ASGR2: variants seen among roughly 807,000 people sequenced by gnomAD.
The protein encoded by ASGR2 is asialoglycoprotein receptor 2.
A neutral mutation model predicts 32.3 loss-of-function variants in ASGR2; 34 were observed. That is an observed-to-expected ratio of 1.05 (90% CI 0.80 to 1.40). ASGR2 has a LOEUF of 1.40. Ranked by LOEUF, ASGR2 falls within the 40% of genes most tolerant of loss-of-function variation. ASGR2 has a pLI of 0.00. For missense variants in ASGR2, 385 were observed against 386.4 expected, an observed-to-expected ratio of 1.00 and a Z score of 0.03; for synonymous variants, 143 against 150.0, an observed-to-expected ratio of 0.95 and a Z score of 0.34.
rs529348065 is a variant in ASGR2, at chr17:7,105,404, A to C, written c.648+1596T>G. ...CTGCCAGGTGCAGTTTTTGGATTAC[A>C]GTGGCTCAGACACCTGTAATCCCAA... On this transcript the variant is annotated intron_variant, in intron 7 of 8. Coordinates refer to ENST00000691900, the MANE Select transcript of ASGR2 (RefSeq NM_001201352.2). Among the ~76,000 whole-genome samples the C allele has an allele frequency of 1.4e-4, 21 of 152,316 alleles. No homozygotes were observed. In the South Asian group the frequency reaches 4.1e-3, roughly 30 times the overall value.
At position 7,108,057 on chromosome 17, in the gene ASGR2, TGGCTCA is replaced by T. The variant is rs1914093854; in HGVS notation, c.338-156_338-151del. ...ACCCAGGCTCCCTGCACTGCCACAG[TGGCTCA>T]GGCCACTCTCCTGCTTCAGTCCCTT... On this transcript the variant is annotated intron_variant, in intron 4 of 8. Coordinates refer to ENST00000691900, the MANE Select transcript of ASGR2 (RefSeq NM_001201352.2). This position sits in a 1 kb window ranked among gnomAD's most constrained non-coding sequence, Gnocchi z 4.9. 1.3e-6 allele frequency: 1 copy of T among 789,166 alleles called. No individual in the cohort carries two copies. The highest frequency in any genetic ancestry group is 1.7e-5 in the South Asian group (1 of 58,498). The allele number at this position is 789,166 out of a possible 1,614,324, so 48.9% of individuals were successfully genotyped here.
In ASGR2 at chr17:7,108,340, G is replaced by T. The variant is rs1914134306; in HGVS notation, c.337+122C>A. On this transcript the variant is annotated intron_variant, in intron 4 of 8. Transcript: ENST00000691900. The surrounding 1 kb of genome is among the most constrained non-coding windows in gnomAD (Gnocchi z 4.9). Reference sequence around the variant, plus strand: ...GCCTCCCTCCTATACATCCCCCAGGGCCCCTGGACGCCTTGCCCAGCCTGC... The same window carrying T: ...GCCTCCCTCCTATACATCCCCCAGGTCCCCTGGACGCCTTGCCCAGCCTGC... 9.9e-7 allele frequency: 1 copy of T among 1,013,820 alleles called. No homozygotes were observed. The highest frequency in any genetic ancestry group is 1.6e-5 in the African/African-American group (1 of 62,178). 62.8% of individuals were successfully genotyped at this position (1,013,820 alleles called of 1,614,324 possible). A position where few individuals can be genotyped will look rare whatever the true frequency, so the allele number is the denominator to read the frequency against.
In ASGR2 at chr17:7,109,453, C is replaced by T. The variant is rs556765482; in HGVS notation, c.125-565G>A. ...TCCATTGAGATCCTTAAATCTGGGTCATTCCACCATAGCCCACTCTCCAAG... is the reference window on the plus strand; with the variant it reads ...TCCATTGAGATCCTTAAATCTGGGTTATTCCACCATAGCCCACTCTCCAAG... On this transcript the variant is annotated intron_variant, in intron 2 of 8. Transcript: ENST00000691900. Among the ~76,000 whole-genome samples, 10 of 152,218 alleles carry T rather than the reference C, an allele frequency of 6.6e-5. No individual in the cohort carries two copies. In the East Asian group the frequency reaches 1.9e-3, roughly 29 times the overall value.
In ASGR2 at chr17:7,108,094, G is replaced by T. The variant is rs1274894585; in HGVS notation, c.338-187C>A. Among the ~76,000 whole-genome samples, 1 of 152,068 alleles carries T rather than the reference G, an allele frequency of 6.6e-6. No individual in the cohort carries two copies. The highest frequency in any genetic ancestry group is 1.5e-5 in the Non-Finnish European group (1 of 67,998). ...CTCTCCTGCTTCAGTCCCTTCAATG[G>T]GTCCCCATTTTCTCAAAATAAAGCC... On this transcript the variant is annotated intron_variant, in intron 4 of 8. Transcript: ENST00000691900. The surrounding 1 kb of genome is among the most constrained non-coding windows in gnomAD (Gnocchi z 4.9).
At position 7,113,299 on chromosome 17, in the gene ASGR2, CACACACAT is replaced by C. The variant is rs930941261; in HGVS notation, c.124+810_124+817del. 1.7e-4 allele frequency among the ~76,000 whole-genome samples: 21 copies of C among 123,884 alleles called. No homozygotes were observed. The highest frequency in any genetic ancestry group is 9.0e-4 in the Admixed American group (12 of 13,400). The allele number at this position is 123,884 out of a possible 152,430, so 81.3% of individuals were successfully genotyped here. A position where few individuals can be genotyped will look rare whatever the true frequency, so the allele number is the denominator to read the frequency against. ...CACCCCACCTCTACACACACACACA[CACACACAT>C]ACAATCACATACACACACTAACACA... On this transcript the variant is annotated intron_variant, in intron 2 of 8. Transcript: ENST00000691900. This position sits in a 1 kb window ranked among gnomAD's most constrained non-coding sequence, Gnocchi z 5.1.
In ASGR2 at chr17:7,113,347, ACACT is replaced by A. The variant is rs1256021043; in HGVS notation, c.124+766_124+769del. Among the ~76,000 whole-genome samples the A allele has an allele frequency of 2.4e-4, 36 of 151,280 alleles. 1 individual carries two copies. The highest frequency in any genetic ancestry group is 1.2e-3 in the East Asian group (6 of 5,150). Reference sequence around the variant, plus strand: ...ACACTAACACACACACTCACGCAACACACTCACACACACAACATACATAACACAC... The same window carrying A: ...ACACTAACACACACACTCACGCAACACACACACACAACATACATAACACAC... On this transcript the variant is annotated intron_variant, in intron 2 of 8. Coordinates refer to ENST00000691900, the MANE Select transcript of ASGR2 (RefSeq NM_001201352.2). This position sits in a 1 kb window ranked among gnomAD's most constrained non-coding sequence, Gnocchi z 5.1.
chr17:7,110,720 T>A (rs1230692299), intron 2 of ASGR2, among the ~76,000 whole-genome samples: 1 of 152,198 alleles, frequency 6.6e-6, no homozygotes, highest in Non-Finnish European at 1.5e-5. Flanking sequence ...AAAGACAGGG[T>A]CTGCCCAAGA....
rs55800489 is a variant in ASGR2, at chr17:7,105,791, A to ATTT, written c.648+1206_648+1208dup. Among the ~76,000 whole-genome samples, 499 of 146,298 alleles carry ATTT rather than the reference A, an allele frequency of 3.4e-3. 3 individuals carry two copies. Among genetic ancestry groups the ATTT allele is most frequent in the African/African-American group, 9.7e-3 (382 of 39,386 alleles). ...GAAGCCAAGATTAATTTAAATTAGC[A>ATTT]TTTTTTTTTTTTTTTGAGTCAGAGT... On this transcript the variant is annotated intron_variant, in intron 7 of 8. Transcript: ENST00000691900.
chr17:7,106,865 C>G, intron 7 of ASGR2, 135 bp downstream of exon 7: 1 of 1,211,180 alleles, frequency 8.3e-7, no homozygotes, highest in Non-Finnish European at 1.1e-6. Flanking sequence ...GATCGTGCCA[C>G]TGCACTCCAG....
intron 7 of ASGR2, among the ~76,000 whole-genome samples, chr17:7,104,380 A>T (rs1002652796): frequency 7.1e-6 from 1 of 140,496 alleles, no homozygotes; most frequent in African/African-American, 2.7e-5. Flanking sequence ...AGCCAGGCGT[A>T]GTGGCTCATG....
Position 7,101,678 on chromosome 17 carries a change from C to A in ASGR2, c.818G>T (p.Cys273Phe). The A allele has an allele frequency of 6.2e-7, 1 of 1,614,236 alleles. No homozygotes were observed. Among genetic ancestry groups the A allele is most frequent in the South Asian group, 1.1e-5 (1 of 91,086 alleles). The part of the protein sequence containing the change: ...HGHELGGSED[C>F]VEVQPDGRWN... ...GCGGCCATCCGGCTGGACTTCAACA[C>A]AGTCTTCACTTCCACCCAGCTCGTG... Residue 273 changes from cysteine to phenylalanine, a missense_variant, in exon 9 of 9, where the codon TGT (cysteine) becomes TTT (phenylalanine). Cys to Phe is a radical substitution (Grantham distance 205). Coordinates refer to ENST00000691900, the MANE Select transcript of ASGR2 (RefSeq NM_001201352.2).
Position 7,101,374 on chromosome 17 carries a change from TATA to T in ASGR2, c.*198_*200del, listed in dbSNP as rs1437207735. ...CTACGCCATTGAAGAGGCTGACGAT[TATA>T]ATAATTACAATGAATTACAGAAGGA... On this transcript the variant is annotated 3_prime_UTR_variant, in exon 9 of 9. Transcript: ENST00000691900. 9.9e-6 allele frequency: 6 copies of T among 605,588 alleles called. No homozygotes were observed. The highest frequency in any genetic ancestry group is 9.2e-5 in the African/African-American group (5 of 54,436). 37.5% of individuals were successfully genotyped at this position (605,588 alleles called of 1,614,324 possible). A position where few individuals can be genotyped will look rare whatever the true frequency, so the allele number is the denominator to read the frequency against.
rs545631107 is a variant in ASGR2, at chr17:7,107,437, C to T, written c.410-120G>A. ...CGTACACCATGCATAGACCACACCA[C>T]ACACCATACCACACACACACCACAG... On this transcript the variant is annotated intron_variant, in intron 5 of 8. Transcript: ENST00000691900. The surrounding 1 kb of genome is among the most constrained non-coding windows in gnomAD (Gnocchi z 5.0). 4.2e-5 allele frequency: 38 copies of T among 905,832 alleles called. No homozygotes were observed. The East Asian group carries it at 9.2e-4, about 22-fold the overall frequency. The allele number at this position is 905,832 out of a possible 1,614,324, so 56.1% of individuals were successfully genotyped here.
At chr17:7,103,966 TTTAAAAAGAATGACATAAA>T (rs1345872950) in intron 7 of ASGR2, among the ~76,000 whole-genome samples, 1 of 150,744 alleles carries the variant, frequency 6.6e-6, no homozygotes, top group Non-Finnish European at 1.5e-5. Flanking sequence ...CTTCAAAAAT[TTTAAAAAGAATGACATAAA>T]ACATGAAAGA....
chr17:7,113,368 A>G lies in ASGR2; in HGVS notation c.124+749T>C, dbSNP rs577546068. ...CAACACACTCACACACACAACATAC[A>G]TAACACACTCACAACATACACACAC... is the stretch of plus-strand genomic sequence containing the variant. On this transcript the variant is annotated intron_variant, in intron 2 of 8. Coordinates refer to ENST00000691900, the MANE Select transcript of ASGR2 (RefSeq NM_001201352.2). The surrounding 1 kb of genome is among the most constrained non-coding windows in gnomAD (Gnocchi z 5.1). Among the ~76,000 whole-genome samples, 36 of 149,760 alleles carry G rather than the reference A, an allele frequency of 2.4e-4. 1 individual carries two copies. Among genetic ancestry groups the G allele is most frequent in the South Asian group, 1.8e-3 (8 of 4,552 alleles).
In ASGR2 at chr17:7,109,126, CA is replaced by C. The variant is rs1265131843; in HGVS notation, c.125-239del. On this transcript the variant is annotated intron_variant, in intron 2 of 8. Transcript: ENST00000691900. ...GCAGCTAATCTGGTGCACACACACC[CA>C]TGCACACGACTCAGGATATTCACAT... 2.0e-5 allele frequency among the ~76,000 whole-genome samples: 3 copies of C among 151,898 alleles called. No homozygotes were observed. In the East Asian group the frequency reaches 5.8e-4, roughly 29 times the overall value.
chr17:7,107,768 T>TATACATTACACACACCGC lies in ASGR2; in HGVS notation c.409+67_409+68insGCGGTGTGTGTAATGTAT. On this transcript the variant is annotated intron_variant, in intron 5 of 8. Transcript: ENST00000691900. The surrounding 1 kb of genome is among the most constrained non-coding windows in gnomAD (Gnocchi z 5.0). ...GTGCACACTACACACACCGCACACG[T>TATACATTACACACACCGC]ACACACTACACACACCGCACACGTA... The TATACATTACACACACCGC allele has an allele frequency of 1.1e-6, 1 of 951,186 alleles. No homozygotes were observed. The highest frequency in any genetic ancestry group is 1.5e-6 in the Non-Finnish European group (1 of 666,854). 58.9% of individuals were successfully genotyped at this position (951,186 alleles called of 1,614,324 possible). A position where few individuals can be genotyped will look rare whatever the true frequency, so the allele number is the denominator to read the frequency against.
At chr17:7,102,355 C>T (rs918548909) in intron 7 of ASGR2, among the ~76,000 whole-genome samples, 159 bp from the exon 8 acceptor site, 1 of 152,140 alleles carries the variant, frequency 6.6e-6, no homozygotes, top group African/African-American at 2.4e-5. Context: ...CTTTTTCTTC[C>T]GTCACTCTAG....
At chr17:7,109,002 A>G (rs541565712) in intron 2 of ASGR2, 114 bp from the exon 3 acceptor site, 21 of 442,250 alleles carry the variant, frequency 4.7e-5, no homozygotes, top group African/African-American at 1.0e-4. Context: ...GGTTGGGGCC[A>G]TGGGGGGGGG....
Sources: allele counts gnomAD v4.1 joint callset (sites outside exome capture counted in the v4.1 genomes callset), GRCh38; gene constraint gnomAD v4.1.1; non-coding constraint Gnocchi (gnomAD v3.1); transcripts MANE v1.5; gene names NCBI Gene and HGNC (gene_info 2026-07-23, HGNC 2026-07-21).